PLEKHH1: variants seen among roughly 807,000 people sequenced by gnomAD.
The protein encoded by PLEKHH1 is pleckstrin homology domain-containing family H member 1.
Under a neutral mutation model 160.0 loss-of-function variants are expected in PLEKHH1, and 104 were observed. The observed-to-expected ratio is 0.65, with a 90% CI of 0.55 to 0.76. PLEKHH1 has a LOEUF of 0.76. Ranked by LOEUF, PLEKHH1 falls within the 30% of genes least tolerant of loss-of-function variation. The pLI is 0.00. For synonymous variants in PLEKHH1, 619 were observed against 678.4 expected (o/e 0.91, Z 1.36); for missense variants, 1,427 against 1,724.1 (o/e 0.83, Z 3.05).
chr14:67,578,285 G>T lies in PLEKHH1; in HGVS notation c.2751+86G>T. ...AAGGTGGGAGGAGGTGACTGGGCAG[G>T]TATACGGTGAGCCCAGCCAGCGGGC... On this transcript the variant is annotated intron_variant, in intron 19 of 28. Coordinates refer to ENST00000329153, the MANE Select transcript of PLEKHH1 (RefSeq NM_020715.3). The surrounding 1 kb of genome is among the most constrained non-coding windows in gnomAD (Gnocchi z 5.0). The T allele has an allele frequency of 8.1e-7, 1 of 1,242,166 alleles. No individual in the cohort carries two copies. The allele number at this position is 1,242,166 out of a possible 1,614,324, so 76.9% of individuals were successfully genotyped here.
chr14:67,533,824 C>T (rs965723914), intron 1 of PLEKHH1: 1 of 152,120 alleles, frequency 6.6e-6, no homozygotes, highest in African/African-American at 2.4e-5. Flanking sequence ...TCAGGCTCGA[C>T]TCCTAGGAGC....
At position 67,568,436 on chromosome 14, in the gene PLEKHH1, G is replaced by C. The variant is rs527418623; in HGVS notation, c.1264-702G>C. Among the ~76,000 whole-genome samples the C allele has an allele frequency of 7.9e-5, 12 of 152,198 alleles. 1 individual carries two copies. The South Asian group carries it at 2.5e-3, about 32-fold the overall frequency. ...CAGGGAGGGGAACATACTTAGTGGG[G>C]CCTGTCAGTGGATGGTGGCGGTGGG... On this transcript the variant is annotated intron_variant, in intron 7 of 28. Transcript: ENST00000329153.
At position 67,546,536 on chromosome 14, in the gene PLEKHH1, G is replaced by A. The variant is rs566350109; in HGVS notation, c.126+4543G>A. On this transcript the variant is annotated intron_variant, in intron 2 of 28. Coordinates refer to ENST00000329153, the MANE Select transcript of PLEKHH1 (RefSeq NM_020715.3). ...CTCCCGAGTAGCTGGGATTACAGGC[G>A]CGCGCCACCACGCCCAGCTAATTTT... 1.1e-4 allele frequency among the ~76,000 whole-genome samples: 16 copies of A among 152,164 alleles called. No homozygotes were observed. The South Asian group carries it at 2.3e-3, about 22-fold the overall frequency.
intron 28 of PLEKHH1, 96 bp from the exon 29 acceptor site, chr14:67,586,978 G>C: frequency 6.5e-7 from 1 of 1,535,002 alleles, no homozygotes; most frequent in Non-Finnish European, 8.8e-7. Flanking sequence ...TAAATAAACT[G>C]AGGCCCAGGA....
chr14:67,585,408 C>T, intron 26 of PLEKHH1, 160 bp from the exon 27 acceptor site: 1 of 601,984 alleles, frequency 1.7e-6, no homozygotes, highest in South Asian at 2.0e-5. Context: ...TTGTCTATTT[C>T]CTGCATACAC....
chr14:67,572,615 C>A (rs1052464073), intron 11 of PLEKHH1, among the ~76,000 whole-genome samples: 6 of 128,836 alleles, frequency 4.7e-5, no homozygotes, highest in African/African-American at 1.5e-4. Flanking sequence ...TTATTGAACT[C>A]TTGGCACCAG....
At chr14:67,550,417 G>A (rs1050902721) in intron 2 of PLEKHH1, among the ~76,000 whole-genome samples, 4 of 152,200 alleles carry the variant, frequency 2.6e-5, no homozygotes, top group African/African-American at 7.2e-5. Context: ...TCCAAGTCCT[G>A]AGCTCAAGTG....
chr14:67,584,002 G>T lies in PLEKHH1; in HGVS notation c.3577G>T (p.Ala1193Ser). ...GAPAEQLRHL[A>S]DMLTTKWATL... is the part of the protein sequence containing the mutation. ...TCCATCTGCCCACACCAGGCACCTG[G>T]CAGATATGTTGACCACAAAATGGGC... The change falls in exon 26 of 29, where the codon GCA (alanine) becomes TCA (serine). Residue 1193 changes from alanine (A) to serine (S), a missense_variant. Ala to Ser is a moderately conservative substitution (Grantham distance 99). This residue lies in a region of PLEKHH1 where 436 missense variants were observed against 607.5 expected (regional missense o/e 0.72). Coordinates refer to ENST00000329153, the MANE Select transcript of PLEKHH1 (RefSeq NM_020715.3). The T allele has an allele frequency of 6.2e-7, 1 of 1,613,986 alleles. No individual in the cohort carries two copies. The highest frequency in any genetic ancestry group is 2.2e-5 in the East Asian group (1 of 44,888).
rs1200444593 is a variant in PLEKHH1 at position 67,562,066 on chromosome 14, T to TA, written c.505+32dup. 2.5e-6 allele frequency: 4 copies of TA among 1,609,960 alleles called. No homozygotes were observed. In the African/African-American group the frequency reaches 5.4e-5, roughly 22 times the overall value. The stretch of plus-strand genomic sequence containing the variant: ...CAGGCCAGGGTGTGCAGGTGTGCAG[T>TA]ACGTGTGTTTGGTGGGTATGGGGCT... On this transcript the variant is annotated intron_variant, in intron 6 of 28. Transcript: ENST00000329153.
chr14:67,567,302 T>C (rs1039573159), intron 7 of PLEKHH1, among the ~76,000 whole-genome samples: 5 of 152,192 alleles, frequency 3.3e-5, no homozygotes, highest in East Asian at 1.9e-4. Context: ...GAAATACTTA[T>C]GTATCTTAGA....
At chr14:67,545,465 C>G (rs990423259) in intron 2 of PLEKHH1, among the ~76,000 whole-genome samples, 9 of 151,776 alleles carry the variant, frequency 5.9e-5, no homozygotes, top group Non-Finnish European at 1.2e-4. Flanking sequence ...ATTCATACCT[C>G]AAATCAGTAG....
In PLEKHH1 at chr14:67,583,889, T is replaced by C. The variant is rs759316749; in HGVS notation, c.3569+6T>C. 1 of 1,613,488 alleles carries C rather than the reference T, an allele frequency of 6.2e-7. No individual in the cohort carries two copies. The highest frequency in any genetic ancestry group is 1.1e-5 in the South Asian group (1 of 91,050). On this transcript the variant is annotated splice_donor_region_variant and intron_variant, in intron 25 of 28. Coordinates refer to ENST00000329153, the MANE Select transcript of PLEKHH1 (RefSeq NM_020715.3). ...GCCCCCGCTGAACAGCTGAGGTAGG[T>C]AGGCTACAAGGTCTTGCAGCAAGTC...
At chr14:67,554,101 T>C (rs971063649) in intron 2 of PLEKHH1, among the ~76,000 whole-genome samples, 4 of 151,970 alleles carry the variant, frequency 2.6e-5, no homozygotes, top group African/African-American at 9.7e-5. Flanking sequence ...AGCATCTGTG[T>C]CTCCCCAGTC....
At chr14:67,535,242 G>GAAGT (rs2033659315) in intron 1 of PLEKHH1, among the ~76,000 whole-genome samples, 1 of 152,124 alleles carries the variant, frequency 6.6e-6, no homozygotes, top group Non-Finnish European at 1.5e-5. Flanking sequence ...AACTATGGCT[G>GAAGT]AAGTACAGGC....
At chr14:67,560,465 GCTAT>G (rs568135971) in intron 5 of PLEKHH1, among the ~76,000 whole-genome samples, 126 of 152,310 alleles carry the variant, frequency 8.3e-4, no homozygotes, top group Middle Eastern at 3.4e-3. Context: ...AGCCATCACT[GCTAT>G]CTATGTCTAA....
chr14:67,564,755 C>T (rs2035010668), intron 7 of PLEKHH1, among the ~76,000 whole-genome samples: 1 of 149,990 alleles, frequency 6.7e-6, no homozygotes, highest in South Asian at 2.1e-4. Context: ...ATGGTGCAAT[C>T]ATGGCTCACT....
In PLEKHH1 at chr14:67,587,617, T is replaced by C. The variant is rs998871126; in HGVS notation, c.*382T>C. On this transcript the variant is annotated 3_prime_UTR_variant, in exon 29 of 29. Transcript: ENST00000329153. ...TTTCTGGGGGGGGCGGGGGACACAG[T>C]GTCACTATGTCACCCAGTCCACAGG... is the stretch of plus-strand genomic sequence containing the variant. 2.8e-5 allele frequency: 8 copies of C among 285,702 alleles called. No homozygotes were observed. The highest frequency in any genetic ancestry group is 5.0e-5 in the Admixed American group (1 of 20,058). The allele number at this position is 285,702 out of a possible 1,614,324, so 17.7% of individuals were successfully genotyped here.
rs753133783 is a variant in PLEKHH1 at position 67,571,892 on chromosome 14, C to A, written c.1575C>A (p.Ala525=). 5 of 1,609,918 alleles carry A rather than the reference C, an allele frequency of 3.1e-6. No homozygotes were observed. The Admixed American group carries it at 6.8e-5, about 22-fold the overall frequency. Residue 525 remains alanine (A), a synonymous_variant, in exon 10 of 29, where the codon GCC becomes GCA. Coordinates refer to ENST00000329153, the MANE Select transcript of PLEKHH1 (RefSeq NM_020715.3). The part of the protein sequence containing the change: ...RKTSGLGSPR[A]IKRGVSMSSL... ...CCAGCGGACTAGGCAGCCCCCGGGC[C>A]ATCAAGAGAGGTACAGAGAAGGGGA...
At chr14:67,572,818 A>G (rs1258813755) in intron 11 of PLEKHH1, among the ~76,000 whole-genome samples, 3 of 152,128 alleles carry the variant, frequency 2.0e-5, no homozygotes, top group Admixed American at 1.3e-4. Context: ...CCCTGGCTCC[A>G]TGACCCTCCA....
Sources: gnomAD v4.1 joint callset for allele counts (sites outside exome capture counted in the v4.1 genomes callset) on GRCh38, gnomAD v4.1.1 for gene constraint, gnomAD v4.1.1 regional missense constraint, Gnocchi (gnomAD v3.1) non-coding constraint, MANE v1.5 for transcripts, NCBI Gene and HGNC (gene_info 2026-07-23, HGNC 2026-07-21) for gene names.